The following PPL variants were observed in gnomAD, a reference collection of about 807,000 sequenced individuals.
PPL encodes 190 kDa paraneoplastic pemphigus antigen.
In PPL, 198 loss-of-function variants were observed where a neutral mutation model predicts 194.4. The ratio of observed to expected loss-of-function variants is 1.02; its 90% CI spans 0.91 to 1.15. PPL has a LOEUF of 1.15. Among genes scored for constraint, PPL ranks in the 50% most tolerant of loss-of-function variants. The pLI, the probability that PPL is intolerant of heterozygous loss-of-function variation, is 0.00. For missense variants in PPL, 2,885 were observed against 2,294.8 expected (o/e 1.26, Z -5.25); for synonymous variants, 1,220 against 972.4 (o/e 1.25, Z -4.74).
Position 4,891,969 on chromosome 16 carries a change from G to A in PPL, c.1830-20C>T, listed in dbSNP as rs368589313. The A allele has an allele frequency of 2.4e-5, 39 of 1,611,232 alleles. No individual in the cohort carries two copies. Among genetic ancestry groups the A allele is most frequent in the Admixed American group, 3.3e-5 (2 of 59,922 alleles). On this transcript the variant is annotated intron_variant, in intron 15 of 21. Transcript: ENST00000345988. ...TCAACCCTGAGAGCACCAATCAGGC[G>A]TCGGGGGATGCCCACCTGGCCCCCT...
chr16:4,929,879 G>T (rs910492120), intron 1 of PPL, among the ~76,000 whole-genome samples: 1 of 151,502 alleles, frequency 6.6e-6, no homozygotes, highest in Non-Finnish European at 1.5e-5. Context: ...GTAGAAATAG[G>T]GTCTCACTAT....
Position 4,884,942 on chromosome 16 carries a change from T to C in PPL, c.3713A>G (p.Tyr1238Cys). The change falls in exon 22 of 22, where the codon TAC (tyrosine) becomes TGC (cysteine). Residue 1238 changes from tyrosine (Y) to cysteine (C), a missense_variant. By Grantham distance (194) the Tyr-to-Cys change is radical (BLOSUM62 -2). Coordinates refer to ENST00000345988, the MANE Select transcript of PPL (RefSeq NM_002705.5). This position sits in a 1 kb window ranked among gnomAD's most constrained non-coding sequence, Gnocchi z 5.7. ...CTTCTCCATCTCAGGGTCAGTCTTG[T>C]ACTTAATGACTTCCTTAGTCACCTC... ...VKEVTKEVIK[Y>C]KTDPEMEKEL... 1 of 1,614,198 alleles carries C rather than the reference T, an allele frequency of 6.2e-7. No homozygotes were observed. The highest frequency in any genetic ancestry group is 1.1e-5 in the South Asian group (1 of 91,092).
intron 1 of PPL, among the ~76,000 whole-genome samples, chr16:4,915,823 G>T (rs573359437): frequency 6.6e-6 from 1 of 152,226 alleles, no homozygotes; most frequent in East Asian, 1.9e-4. Context: ...CCCGTTTATG[G>T]GTGTGGAAAC....
At chr16:4,926,798 G>T (rs748939958) in intron 1 of PPL, among the ~76,000 whole-genome samples, 1 of 147,184 alleles carries the variant, frequency 6.8e-6, no homozygotes, top group African/African-American at 2.5e-5. Context: ...AGAATGGCGT[G>T]AACCTGGGAG....
At position 4,884,427 on chromosome 16, in the gene PPL, G is replaced by A. The variant is rs191710223; in HGVS notation, c.4228C>T (p.Arg1410Trp). 8.1e-6 allele frequency: 13 copies of A among 1,602,978 alleles called. No individual in the cohort carries two copies. The East Asian group carries it at 1.1e-4, about 14-fold the overall frequency. The change falls in exon 22 of 22, where the codon CGG (arginine) becomes TGG (tryptophan). Residue 1410 changes from arginine (R) to tryptophan (W), a missense_variant. Arg to Trp is a moderately radical substitution (Grantham distance 101). Transcript: ENST00000345988. The surrounding 1 kb of genome is among the most constrained non-coding windows in gnomAD (Gnocchi z 5.7). ...CGCTCGGCCTCCCTGCGGGCCTGCC[G>A]CTCGCGCTCTAGCTCCTCCAGCTGC... is the stretch of plus-strand genomic sequence containing the variant. ...ERQLEELERE[R>W]QARREAEREV...
chr16:4,934,394 C>T (rs2089265838), intron 1 of PPL, among the ~76,000 whole-genome samples: 1 of 152,080 alleles, frequency 6.6e-6, no homozygotes, highest in African/African-American at 2.4e-5. Context: ...CTCCTGGGTC[C>T]CCTGGGCTCG....
rs2088297402 is a variant in PPL, at chr16:4,890,401, T to TA, written c.2163-68_2163-67insT. The TA allele has an allele frequency of 4.7e-6, 7 of 1,482,552 alleles. No homozygotes were observed. In the African/African-American group the frequency reaches 9.9e-5, roughly 21 times the overall value. 91.8% of individuals were successfully genotyped at this position (1,482,552 alleles called of 1,614,324 possible). On this transcript the variant is annotated intron_variant, in intron 17 of 21. Coordinates refer to ENST00000345988, the MANE Select transcript of PPL (RefSeq NM_002705.5). ...ATGCCTCACCGAGCCCTCATTTTTTTTTTTAAAGTGGGAAACAACCAAATG... is the reference window on the plus strand; with the variant it reads ...ATGCCTCACCGAGCCCTCATTTTTTTATTTTAAAGTGGGAAACAACCAAATG...
chr16:4,916,137 C>A (rs571280362), intron 1 of PPL, among the ~76,000 whole-genome samples: 8 of 152,318 alleles, frequency 5.3e-5, no homozygotes, highest in Non-Finnish European at 1.0e-4. Context: ...GGAAAACAGT[C>A]TAGAAATTCC....
At chr16:4,923,902 G>T (rs534279542) in intron 1 of PPL, among the ~76,000 whole-genome samples, 1 of 152,192 alleles carries the variant, frequency 6.6e-6, no homozygotes, top group African/African-American at 2.4e-5. Context: ...TTTGTCTGTT[G>T]TTCACTGCCA....
chr16:4,897,595 C>T, intron 9 of PPL, 80 bp downstream of exon 9: 1 of 1,145,694 alleles, frequency 8.7e-7, no homozygotes. Flanking sequence ...CACGAGGCCA[C>T]ACATGAGCCA....
intron 2 of PPL, among the ~76,000 whole-genome samples, chr16:4,906,313 C>G (rs944385296): frequency 1.3e-5 from 2 of 152,174 alleles, no homozygotes; most frequent in African/African-American, 4.8e-5. Context: ...CAAGCTCTGC[C>G]TCCCGGATTC....
chr16:4,886,588 G>A (rs751773242), intron 21 of PPL, among the ~76,000 whole-genome samples: 11 of 152,168 alleles, frequency 7.2e-5, no homozygotes, highest in Non-Finnish European at 1.2e-4. Context: ...TCAACATCAT[G>A]GACTTCAGAA....
intron 1 of PPL, among the ~76,000 whole-genome samples, chr16:4,932,471 G>A (rs2089237182): frequency 1.3e-5 from 2 of 151,000 alleles, no homozygotes; most frequent in South Asian, 4.2e-4. Flanking sequence ...GTGCAGTGGT[G>A]TGATCTCGGC....
chr16:4,936,179 C>A (rs1223304693), intron 1 of PPL, among the ~76,000 whole-genome samples: 1 of 152,348 alleles, frequency 6.6e-6, no homozygotes, highest in South Asian at 2.1e-4. Context: ...CCCTGGGAAC[C>A]CGCGGCTCAG....
At chr16:4,913,641 G>T (rs1303603000) in intron 1 of PPL, among the ~76,000 whole-genome samples, 2 of 152,218 alleles carry the variant, frequency 1.3e-5, no homozygotes, top group African/African-American at 4.8e-5. Flanking sequence ...GGGGTCAAGT[G>T]ATTCGGCTGC....
rs777389788 is a variant in PPL at position 4,883,955 on chromosome 16, T to A, written c.4700A>T (p.Lys1567Ile). The change falls in exon 22 of 22, where the codon AAA becomes ATA. Residue 1567 changes from lysine to isoleucine, a missense_variant. Transcript: ENST00000345988. This position sits in a 1 kb window ranked among gnomAD's most constrained non-coding sequence, Gnocchi z 4.8. Reference protein sequence around the residue: ...ELDFLREENHKLQLERQNLQL... With the variant: ...ELDFLREENHILQLERQNLQL... ...CAGGTTTTGCCTCTCCAGCTGTAAT[T>A]TGTGGTTCTCTTCCCTCAGAAAGTC... 1 of 1,614,116 alleles carries A rather than the reference T, an allele frequency of 6.2e-7. No homozygotes were observed. Among genetic ancestry groups the A allele is most frequent in the Admixed American group, 1.7e-5 (1 of 60,008 alleles).
intron 14 of PPL, among the ~76,000 whole-genome samples, 196 bp from the exon 15 acceptor site, chr16:4,892,409 C>A (rs941722116): frequency 1.3e-5 from 2 of 152,226 alleles, no homozygotes; most frequent in Non-Finnish European, 2.9e-5. Context: ...CCCAGGGAAC[C>A]GCTGAGGTGG....
At chr16:4,890,109 C>A (rs2088290626) in intron 18 of PPL, 75 bp downstream of exon 18, 2 of 1,608,068 alleles carry the variant, frequency 1.2e-6, no homozygotes, top group African/African-American at 2.7e-5. Context: ...GGCTTGGCTC[C>A]CCAGAAAGGG....
At position 4,885,142 on chromosome 16, in the gene PPL, C is replaced by G. The variant is rs1375858747; in HGVS notation, c.3513G>C (p.Gln1171His). The G allele has an allele frequency of 1.2e-6, 2 of 1,614,112 alleles. No individual in the cohort carries two copies. The highest frequency in any genetic ancestry group is 2.2e-5 in the South Asian group (2 of 91,082). Residue 1171 changes from glutamine (Q) to histidine (H), a missense_variant, in exon 22 of 22, where the codon CAG becomes CAC. Coordinates refer to ENST00000345988, the MANE Select transcript of PPL (RefSeq NM_002705.5). The surrounding 1 kb of genome is among the most constrained non-coding windows in gnomAD (Gnocchi z 6.3). ...GCCGCACGATCTCCCGCACCTTCTC[C>G]TGCACCACCACTTTGGCGTTCTCCT... ...LEEENAKVVV[Q>H]EKVREIVRPD...
Sources: allele counts gnomAD v4.1 joint callset (sites outside exome capture counted in the v4.1 genomes callset), GRCh38; gene constraint gnomAD v4.1.1; non-coding constraint Gnocchi (gnomAD v3.1); transcripts MANE v1.5; gene names NCBI Gene and HGNC (gene_info 2026-07-23, HGNC 2026-07-21).